Variants in CPSF7 observed in about 807,000 individuals in gnomAD.
CPSF7 encodes the protein cleavage and polyadenylation specificity factor subunit 7.
A neutral mutation model predicts 44.3 loss-of-function variants in CPSF7; 1 was observed. The observed-to-expected ratio is 0.02, with a 90% CI of 0.01 to 0.11. CPSF7 has a LOEUF of 0.11. Ranked by LOEUF, CPSF7 falls within the 10% of genes least tolerant of loss-of-function variation. CPSF7 has a pLI of 1.00. For synonymous variants in CPSF7, 202 were observed against 222.0 expected (o/e 0.91, Z 0.80); for missense variants, 443 against 607.2 (o/e 0.73, Z 2.84).
At chr11:61,426,553 G>C (rs1176714746) in intron 2 of CPSF7, 5 of 152,070 alleles carry the variant, frequency 3.3e-5, no homozygotes, top group Admixed American at 6.6e-5. Flanking sequence ...GCCTGTCTTA[G>C]ACCCATAAAA....
At chr11:61,407,653 T>C (rs1859442223) in intron 9 of CPSF7, among the ~76,000 whole-genome samples, 1 of 152,214 alleles carries the variant, frequency 6.6e-6, no homozygotes, top group Non-Finnish European at 1.5e-5. Flanking sequence ...CTCTAGGATT[T>C]TGTGGAATAA....
chr11:61,416,525 A>T lies in CPSF7; in HGVS notation c.524-6T>A, dbSNP rs1387249148. On this transcript the variant is annotated splice_region_variant and splice_polypyrimidine_tract_variant and intron_variant, in intron 5 of 9. Transcript: ENST00000439958. ...ATGGGCCCGTGGAGGTATTCCTATG[A>T]AGCAAAACAGAACTGATGTTACTGC... 6.2e-7 allele frequency: 1 copy of T among 1,613,872 alleles called. No homozygotes were observed. Among genetic ancestry groups the T allele is most frequent in the South Asian group, 1.1e-5 (1 of 91,080 alleles).
At chr11:61,407,723 C>T (rs1321377183) in intron 9 of CPSF7, among the ~76,000 whole-genome samples, 2 of 152,212 alleles carry the variant, frequency 1.3e-5, no homozygotes, top group Non-Finnish European at 2.9e-5. Flanking sequence ...CATCTTTCCA[C>T]TTACTTGTTT....
chr11:61,414,408 A>G (rs1290780232), intron 7 of CPSF7, among the ~76,000 whole-genome samples: 1 of 152,178 alleles, frequency 6.6e-6, no homozygotes, highest in Non-Finnish European at 1.5e-5. Context: ...TTGGCCTCCC[A>G]AAGTGCTGGG....
In CPSF7 at chr11:61,420,007, C is replaced by T. The variant is rs914981244; in HGVS notation, c.465G>A (p.Val155=). 3 of 1,614,136 alleles carry T rather than the reference C, an allele frequency of 1.9e-6. No homozygotes were observed. Among genetic ancestry groups the T allele is most frequent in the South Asian group, 1.1e-5 (1 of 91,094 alleles). The part of the protein sequence containing the change: ...LPGKVLNGEK[V]DVRPATRQNL... ...TCTGCCGGGTGGCCGGCCTCACGTC[C>T]ACTTTTTCTCCATTAAGAACTTTCC... is the stretch of plus-strand genomic sequence containing the variant. Residue 155 remains valine, a synonymous_variant, in exon 5 of 10, where the codon GTG becomes GTA. Coordinates refer to ENST00000439958, the MANE Select transcript of CPSF7 (RefSeq NM_001142565.3).
At chr11:61,420,249 A>T (rs1860741447) in intron 4 of CPSF7, among the ~76,000 whole-genome samples, 155 bp from the exon 5 acceptor site, 2 of 152,210 alleles carry the variant, frequency 1.3e-5, no homozygotes, top group South Asian at 2.1e-4. Flanking sequence ...GACAGCCTAA[A>T]TCTTTATTTT....
chr11:61,424,929 A>G (rs1244761431), intron 2 of CPSF7, among the ~76,000 whole-genome samples: 1 of 152,238 alleles, frequency 6.6e-6, no homozygotes, highest in African/African-American at 2.4e-5. Context: ...TGAGTAGTGG[A>G]CTAACATGCA....
intron 5 of CPSF7, among the ~76,000 whole-genome samples, chr11:61,419,186 G>GATTACAGGCATGTGTCTA (rs1565111378): frequency 7.2e-5 from 11 of 152,074 alleles, no homozygotes; most frequent in Admixed American, 7.2e-4. Flanking sequence ...CCCACACCCG[G>GATTACAGGCATGTGTCTA]CTAATTTTTG....
chr11:61,415,848 A>C (rs1430426107), intron 6 of CPSF7, 64 bp from the exon 7 acceptor site: 9 of 1,210,256 alleles, frequency 7.4e-6, no homozygotes, highest in Non-Finnish European at 3.7e-6. Context: ...GTACTCTACA[A>C]CACTTTGGTA....
At chr11:61,429,422 G>A in intron 1 of CPSF7, 132 bp from the exon 2 acceptor site, 2 of 535,074 alleles carry the variant, frequency 3.7e-6, no homozygotes. Context: ...CACCCGCTCC[G>A]CCCCGCCCCC....
chr11:61,429,340 C>G (rs984058446), intron 1 of CPSF7, 50 bp from the exon 2 acceptor site: 5 of 1,128,288 alleles, frequency 4.4e-6, no homozygotes, highest in East Asian at 2.4e-5. Flanking sequence ...GGGTCCTGGG[C>G]TGGGAAGAGG....
At chr11:61,426,884 G>A (rs1411678753) in intron 2 of CPSF7, 1 of 152,224 alleles carries the variant, frequency 6.6e-6, no homozygotes, top group East Asian at 1.9e-4. Flanking sequence ...AAATTAGCTG[G>A]GCATGGCGGT....
intron 2 of CPSF7, among the ~76,000 whole-genome samples, chr11:61,427,731 A>C (rs1861525189): frequency 6.6e-6 from 1 of 152,090 alleles, no homozygotes; most frequent in South Asian, 2.1e-4. Context: ...ACAGTTAACC[A>C]CAACAGAGAC....
intron 5 of CPSF7, among the ~76,000 whole-genome samples, chr11:61,417,105 A>G (rs1469773494): frequency 6.6e-6 from 1 of 152,176 alleles, no homozygotes; most frequent in Non-Finnish European, 1.5e-5. Context: ...AGACTAGACA[A>G]CTGGAGGTTA....
intron 7 of CPSF7, among the ~76,000 whole-genome samples, chr11:61,414,911 T>C (rs1565105689): frequency 3.9e-5 from 6 of 152,230 alleles, no homozygotes; most frequent in African/African-American, 1.2e-4. Flanking sequence ...CAGCTCTGCT[T>C]AGACTCCTAA....
intron 7 of CPSF7, among the ~76,000 whole-genome samples, chr11:61,412,463 G>A (rs1016258123): frequency 3.3e-5 from 5 of 151,966 alleles, no homozygotes; most frequent in Admixed American, 6.6e-5. Flanking sequence ...CTAATGTTTT[G>A]TATTATTAAT....
intron 5 of CPSF7, 52 bp from the exon 6 acceptor site, chr11:61,416,571 C>T (rs777920554): frequency 6.4e-7 from 1 of 1,567,760 alleles, no homozygotes; most frequent in Non-Finnish European, 8.8e-7. Flanking sequence ...CACAAACCCA[C>T]AGGACCAGTT....
At chr11:61,428,948 C>T (rs895500362) in intron 2 of CPSF7, 1 of 347,468 alleles carries the variant, frequency 2.9e-6, no homozygotes, top group Middle Eastern at 8.1e-4. Flanking sequence ...CATTCTATTA[C>T]ACCTGCTTTT....
chr11:61,427,257 C>T (rs899513000), intron 2 of CPSF7: 1 of 151,346 alleles, frequency 6.6e-6, no homozygotes, highest in Non-Finnish European at 1.5e-5. Flanking sequence ...TATTAAAAGT[C>T]TGATTCAAAT....
Sources: allele counts gnomAD v4.1 joint callset (sites outside exome capture counted in the v4.1 genomes callset), GRCh38; gene constraint gnomAD v4.1.1; transcripts MANE v1.5; gene names NCBI Gene and HGNC (gene_info 2026-07-23, HGNC 2026-07-21).